The following LRRTM4 variants were observed in gnomAD, a reference collection of about 807,000 sequenced individuals.
LRRTM4 encodes the protein leucine-rich repeat transmembrane neuronal protein 4.
Under a neutral mutation model 47.6 loss-of-function variants are expected in LRRTM4, and 25 were observed. The ratio of observed to expected loss-of-function variants is 0.53; its 90% CI spans 0.38 to 0.73. The LOEUF (loss-of-function observed/expected upper bound fraction) is 0.73. LRRTM4 is among the 30% of genes least tolerant of loss of function. The pLI is 0.00. For synonymous variants in LRRTM4, 311 were observed against 269.5 expected, an observed-to-expected ratio of 1.15 and a Z score of -1.51; for missense variants, 638 against 713.4, an observed-to-expected ratio of 0.89 and a Z score of 1.20.
chr2:76,879,393 C>G (rs891158160), intron 3 of LRRTM4, among the ~76,000 whole-genome samples: 2 of 152,170 alleles, frequency 1.3e-5, no homozygotes, highest in African/African-American at 2.4e-5. Context: ...AAGAATTATA[C>G]TAAAACTACT....
At chr2:76,950,591 T>C (rs1390591398) in intron 3 of LRRTM4, among the ~76,000 whole-genome samples, 1 of 151,324 alleles carries the variant, frequency 6.6e-6, no homozygotes. Flanking sequence ...TTAATATGGA[T>C]TTTTTTTTGA....
At chr2:77,325,194 G>A (rs1182993025) in intron 3 of LRRTM4, among the ~76,000 whole-genome samples, 1 of 152,064 alleles carries the variant, frequency 6.6e-6, no homozygotes, top group Non-Finnish European at 1.5e-5. Flanking sequence ...CCTTCAAAGA[G>A]AATATTTTCT....
intron 3 of LRRTM4, among the ~76,000 whole-genome samples, chr2:76,902,659 G>A (rs1015789099): frequency 6.6e-6 from 1 of 152,122 alleles, no homozygotes; most frequent in Non-Finnish European, 1.5e-5. Context: ...CCTGGATGAG[G>A]TATTGTGTAC....
intron 3 of LRRTM4, among the ~76,000 whole-genome samples, chr2:77,370,306 T>C (rs959035973): frequency 6.6e-6 from 1 of 151,698 alleles, no homozygotes; most frequent in African/African-American, 2.4e-5. Context: ...AAGTTAATCT[T>C]GGCTTGATGA....
intron 3 of LRRTM4, among the ~76,000 whole-genome samples, chr2:77,421,384 A>G (rs1674876167): frequency 6.6e-6 from 1 of 152,106 alleles, no homozygotes. Context: ...TAGTTGTCAC[A>G]TCTAGGGAAA....
intron 3 of LRRTM4, among the ~76,000 whole-genome samples, chr2:77,350,366 A>C (rs561393498): frequency 6.7e-6 from 1 of 149,244 alleles, no homozygotes; most frequent in Non-Finnish European, 1.5e-5. Flanking sequence ...AAAAAAAAGA[A>C]ATTGGAAATG....
intron 3 of LRRTM4, among the ~76,000 whole-genome samples, chr2:76,932,156 C>T (rs78449162): frequency 0.021 from 3,173 of 152,078 alleles, 97 homozygotes; most frequent in African/African-American, 0.068. Flanking sequence ...TCTTGAGCCA[C>T]GGAGCATCAT....
At chr2:76,893,223 TG>T (rs1398726998) in intron 3 of LRRTM4, among the ~76,000 whole-genome samples, 1 of 151,642 alleles carries the variant, frequency 6.6e-6, no homozygotes, top group Non-Finnish European at 1.5e-5. Context: ...TGCTCACACT[TG>T]ATCTTTAAAA....
At chr2:77,193,344 G>A (rs1032264171) in intron 3 of LRRTM4, among the ~76,000 whole-genome samples, 1 of 151,990 alleles carries the variant, frequency 6.6e-6, no homozygotes, top group African/African-American at 2.4e-5. Context: ...ATGCATGACT[G>A]TATTTAAATT....
At chr2:77,225,570 C>T (rs946936827) in intron 3 of LRRTM4, among the ~76,000 whole-genome samples, 1 of 151,970 alleles carries the variant, frequency 6.6e-6, no homozygotes, top group Non-Finnish European at 1.5e-5. Flanking sequence ...GGGAACTGTA[C>T]ATGGAATAGT....
chr2:77,222,786 G>A (rs1479783360), intron 3 of LRRTM4, among the ~76,000 whole-genome samples: 1 of 152,120 alleles, frequency 6.6e-6, no homozygotes, highest in Non-Finnish European at 1.5e-5. Flanking sequence ...GTAGAAGGAG[G>A]AGCTGGTACT....
At chr2:77,179,427 T>C (rs1198896941) in intron 3 of LRRTM4, among the ~76,000 whole-genome samples, 1 of 152,150 alleles carries the variant, frequency 6.6e-6, no homozygotes, top group Non-Finnish European at 1.5e-5. Flanking sequence ...ACTTTTTCCC[T>C]TGTGTGTTGC....
At chr2:76,856,608 A>T (rs528654480) in intron 3 of LRRTM4, among the ~76,000 whole-genome samples, 2 of 152,266 alleles carry the variant, frequency 1.3e-5, no homozygotes, top group South Asian at 4.1e-4. Flanking sequence ...AGAAGAAAAC[A>T]ATCTAAATGT....
At chr2:77,025,607 T>C (rs1678427758) in intron 3 of LRRTM4, among the ~76,000 whole-genome samples, 2 of 152,118 alleles carry the variant, frequency 1.3e-5, no homozygotes, top group South Asian at 4.1e-4. Flanking sequence ...ATTCTGTTTT[T>C]CCTCTCAGTT....
At chr2:77,373,665 A>G (rs1268325833) in intron 3 of LRRTM4, among the ~76,000 whole-genome samples, 2 of 151,798 alleles carry the variant, frequency 1.3e-5, no homozygotes, top group Non-Finnish European at 2.9e-5. Context: ...GCTATCAACA[A>G]TATCACAGAT....
chr2:77,330,258 G>GC (rs1303359421), intron 3 of LRRTM4, among the ~76,000 whole-genome samples: 1 of 152,036 alleles, frequency 6.6e-6, no homozygotes, highest in Admixed American at 6.6e-5. Context: ...TTTGAGAGTT[G>GC]TTTTTTTACT....
chr2:77,032,530 T>C (rs1678697675), intron 3 of LRRTM4, among the ~76,000 whole-genome samples: 1 of 152,154 alleles, frequency 6.6e-6, no homozygotes, highest in South Asian at 2.1e-4. Context: ...AAGTTCAATA[T>C]ATTTTTTGAA....
intron 3 of LRRTM4, among the ~76,000 whole-genome samples, chr2:76,936,544 C>A (rs913935728): frequency 1.3e-5 from 2 of 148,992 alleles, no homozygotes; most frequent in Admixed American, 1.3e-4. Context: ...ATGTAAGAAA[C>A]CTGCACGTTC....
In LRRTM4 at chr2:76,856,936, AAAAAT is replaced by A. The variant is rs1383730778; in HGVS notation, c.1552-108025_1552-108021del. 7.9e-5 allele frequency among the ~76,000 whole-genome samples: 12 copies of A among 152,142 alleles called. No individual in the cohort carries two copies. The East Asian group carries it at 1.5e-3, about 19-fold the overall frequency. On this transcript the variant is annotated intron_variant, in intron 3 of 3. Transcript: ENST00000409884. Reference sequence around the variant, plus strand: ...AACATGTATTTCTTCTGTCGCAAAAAAAAATAAAAGAAAAATTTACAACAATGGTT... The same window carrying A: ...AACATGTATTTCTTCTGTCGCAAAAAAAAAGAAAAATTTACAACAATGGTT...
Sources: gnomAD v4.1 joint callset for allele counts (sites outside exome capture counted in the v4.1 genomes callset) on GRCh38, gnomAD v4.1.1 for gene constraint, MANE v1.5 for transcripts, NCBI Gene and HGNC (gene_info 2026-07-23, HGNC 2026-07-21) for gene names.